The following DLG2 variants were observed in gnomAD, a reference collection of about 807,000 sequenced individuals.
The protein encoded by DLG2 is discs large MAGUK scaffold protein 2.
In DLG2, 45 loss-of-function variants were observed where a neutral mutation model predicts 132.5. The ratio of observed to expected loss-of-function variants is 0.34; its 90% CI spans 0.27 to 0.44. DLG2 has a LOEUF of 0.44. Among genes scored for constraint, DLG2 ranks in the 20% least tolerant of loss-of-function variants. The probability of loss-of-function intolerance (pLI) is 1.00; values close to 1 mark genes in which losing one functional copy is unlikely to be tolerated. For synonymous variants in DLG2, 424 were observed against 419.6 expected, an observed-to-expected ratio of 1.01 and a Z score of -0.13; for missense variants, 1,045 against 1,196.9, an observed-to-expected ratio of 0.87 and a Z score of 1.87.
chr11:85,192,169 A>G (rs1324167818), intron 4 of DLG2, among the ~76,000 whole-genome samples: 1 of 152,320 alleles, frequency 6.6e-6, no homozygotes, highest in East Asian at 1.9e-4. Context: ...TCCACTTACT[A>G]GTACCATGAC....
At chr11:84,641,201 ATCCT>A (rs2099662847) in intron 6 of DLG2, among the ~76,000 whole-genome samples, 3 of 152,248 alleles carry the variant, frequency 2.0e-5, no homozygotes, top group Admixed American at 2.0e-4. Flanking sequence ...ACAGCTGCAT[ATCCT>A]TCAGCAAATT....
chr11:85,554,826 C>T (rs368739387), intron 3 of DLG2, among the ~76,000 whole-genome samples: 9 of 151,564 alleles, frequency 5.9e-5, no homozygotes, highest in African/African-American at 1.9e-4. Flanking sequence ...GATTTTTTTT[C>T]GGACTTTTGC....
intron 11 of DLG2, among the ~76,000 whole-genome samples, chr11:84,045,181 A>C (rs2096212927): frequency 6.6e-6 from 1 of 151,798 alleles, no homozygotes. Flanking sequence ...TTATTTTTAT[A>C]ACCAGCCCTT....
intron 6 of DLG2, among the ~76,000 whole-genome samples, chr11:84,939,484 A>T (rs1033458547): frequency 1.3e-4 from 20 of 152,154 alleles, no homozygotes; most frequent in Non-Finnish European, 2.9e-4. Context: ...GTTATCAAAT[A>T]CTAGATCTTA....
At chr11:85,565,198 T>G (rs1042852386) in intron 3 of DLG2, among the ~76,000 whole-genome samples, 1 of 152,078 alleles carries the variant, frequency 6.6e-6, no homozygotes. Flanking sequence ...ACAATATGTA[T>G]GTTTTTTATC....
Position 83,657,776 on chromosome 11 carries a change from G to A in DLG2, c.1826-24451C>T, listed in dbSNP as rs373412097. 8.1e-4 allele frequency among the ~76,000 whole-genome samples: 123 copies of A among 152,072 alleles called. No homozygotes were observed. The East Asian group carries it at 0.01, about 12-fold the overall frequency. Reference sequence around the variant, plus strand: ...AGGATGGTCTCAATCTCCTGACCTCGTGATCCGCCCGCCTTGGCCTCCCAA... The same window carrying A: ...AGGATGGTCTCAATCTCCTGACCTCATGATCCGCCCGCCTTGGCCTCCCAA... On this transcript the variant is annotated intron_variant, in intron 18 of 27. Transcript: ENST00000376104.
At chr11:84,977,584 AGTG>A (rs1485768277) in intron 6 of DLG2, among the ~76,000 whole-genome samples, 3 of 152,162 alleles carry the variant, frequency 2.0e-5, no homozygotes, top group Non-Finnish European at 4.4e-5. Context: ...TTTTGTTCTA[AGTG>A]ATGAAAAACT....
rs894999292 is a variant in DLG2, at chr11:84,548,544, T to C, written c.358-13813A>G. Among the ~76,000 whole-genome samples, 5 of 151,908 alleles carry C rather than the reference T, an allele frequency of 3.3e-5. No individual in the cohort carries two copies. In the South Asian group the frequency reaches 1.0e-3, roughly 32 times the overall value. On this transcript the variant is annotated intron_variant, in intron 6 of 27. Coordinates refer to ENST00000376104, the MANE Select transcript of DLG2 (RefSeq NM_001142699.3). The stretch of plus-strand genomic sequence containing the variant: ...AGAACATGCGGTGTTTGGTTTTTTG[T>C]CCTTGCGATAGTTTGCTGAGAATGA...
intron 6 of DLG2, among the ~76,000 whole-genome samples, chr11:84,639,160 T>C (rs1221125785): frequency 2.0e-5 from 3 of 152,186 alleles, no homozygotes; most frequent in African/African-American, 7.2e-5. Context: ...ATTATGATAA[T>C]AGGATCCCAG....
At chr11:83,505,578 T>C (rs1418774087) in intron 21 of DLG2, among the ~76,000 whole-genome samples, 1 of 152,206 alleles carries the variant, frequency 6.6e-6, no homozygotes, top group African/African-American at 2.4e-5. Flanking sequence ...GGTCCATCCA[T>C]ATACCTCTTC....
intron 11 of DLG2, 127 bp downstream of exon 11, chr11:84,059,188 G>C: frequency 1.2e-6 from 1 of 868,760 alleles, no homozygotes; most frequent in Non-Finnish European, 1.8e-6. Flanking sequence ...CACTACTGTA[G>C]GATTTTAAAT....
At chr11:84,279,646 T>A (rs4427591) in intron 7 of DLG2, among the ~76,000 whole-genome samples, 130,539 of 152,156 alleles carry the variant, frequency 0.86, 56,624 homozygotes, top group Non-Finnish European at 0.93. Context: ...GGATGAGTTC[T>A]CATCTTTTGC....
chr11:85,315,320 G>A (rs2080586637), intron 3 of DLG2, among the ~76,000 whole-genome samples: 3 of 151,856 alleles, frequency 2.0e-5, no homozygotes, highest in African/African-American at 4.8e-5. Context: ...ATCCAATCCT[G>A]TCTTGCCATC....
At chr11:84,562,896 G>T (rs2099432491) in intron 6 of DLG2, among the ~76,000 whole-genome samples, 1 of 151,950 alleles carries the variant, frequency 6.6e-6, no homozygotes, top group Non-Finnish European at 1.5e-5. Flanking sequence ...GGGACTACAG[G>T]CATATGCCAC....
chr11:84,034,850 C>T (rs540014794), intron 11 of DLG2, among the ~76,000 whole-genome samples: 2 of 152,260 alleles, frequency 1.3e-5, no homozygotes, highest in Non-Finnish European at 2.9e-5. Flanking sequence ...CACCTGGTAT[C>T]TTTTTCTGGG....
chr11:85,303,615 C>G (rs2079747933), intron 3 of DLG2, among the ~76,000 whole-genome samples: 1 of 152,164 alleles, frequency 6.6e-6, no homozygotes, highest in South Asian at 2.1e-4. Context: ...ACCATACTAT[C>G]ATGTATCAGA....
chr11:83,939,530 T>G (rs2082200002), intron 14 of DLG2, among the ~76,000 whole-genome samples: 1 of 152,174 alleles, frequency 6.6e-6, no homozygotes, highest in Non-Finnish European at 1.5e-5. Context: ...GTCTGAAGCT[T>G]AATATCACCT....
intron 3 of DLG2, among the ~76,000 whole-genome samples, chr11:85,546,050 TC>T (rs1266227931): frequency 6.6e-6 from 1 of 152,208 alleles, no homozygotes; most frequent in Non-Finnish European, 1.5e-5. Context: ...ATTTGTTTGC[TC>T]CTGCTTCTCT....
rs188660624 is a variant in DLG2 at position 83,588,043 on chromosome 11, A to G, written c.1940+45168T>C. On this transcript the variant is annotated intron_variant, in intron 19 of 27. Transcript: ENST00000376104. ...GTCTGAGATCAAACTGCAAGGCGGCAGCGAGGCTAGGGGAGGGGCGCCCGC... is the reference window on the plus strand; with the variant it reads ...GTCTGAGATCAAACTGCAAGGCGGCGGCGAGGCTAGGGGAGGGGCGCCCGC... Among the ~76,000 whole-genome samples, 284 of 152,346 alleles carry G rather than the reference A, an allele frequency of 1.9e-3. 1 individual carries two copies. The highest frequency in any genetic ancestry group is 6.0e-3 in the African/African-American group (248 of 41,584).
Sources: allele counts gnomAD v4.1 joint callset (sites outside exome capture counted in the v4.1 genomes callset), GRCh38; gene constraint gnomAD v4.1.1; transcripts MANE v1.5; gene names NCBI Gene and HGNC (gene_info 2026-07-23, HGNC 2026-07-21).